Variants in INSL6 observed in about 807,000 individuals in gnomAD.
The protein encoded by INSL6 is insulin like 6, also known as insulin-like peptide INSL6.
A neutral mutation model predicts 9.4 loss-of-function variants in INSL6; 16 were observed. The observed-to-expected ratio is 1.70, with a 90% CI of 1.15 to 2.59. The LOEUF (loss-of-function observed/expected upper bound fraction) is 2.59, where lower values mean the gene tolerates loss of function less well. Among genes scored for constraint, INSL6 ranks in the 30% most tolerant of loss-of-function variants. INSL6 has a pLI of 0.00. For synonymous variants in INSL6, 154 were observed against 96.9 expected (o/e 1.59, Z -3.46); for missense variants, 391 against 257.3 (o/e 1.52, Z -3.56).
chr9:5,131,435 A>ATTTT lies in INSL6; in HGVS notation c.*10+1986_*10+1989dup, dbSNP rs550915336. Among the ~76,000 whole-genome samples the ATTTT allele has an allele frequency of 4.3e-5, 5 of 115,858 alleles. 1 individual carries two copies. The highest frequency in any genetic ancestry group is 2.0e-4 in the African/African-American group (5 of 24,918). 76.0% of individuals were successfully genotyped at this position (115,858 alleles called of 152,430 possible). A position where few individuals can be genotyped will look rare whatever the true frequency, so the allele number is the denominator to read the frequency against. On this transcript the variant is annotated intron_variant, in intron 3 of 3. Transcript: ENST00000649639. Reference sequence around the variant, plus strand: ...AATTCTTTAACACCACCAGTTAACAATTTTTTTTTTTTTTTTTTTGAGACA... The same window carrying ATTTT: ...AATTCTTTAACACCACCAGTTAACAATTTTTTTTTTTTTTTTTTTTTTTGAGACA...
chr9:5,120,440 A>G (rs1328432670), downstream of INSL6, among the ~76,000 whole-genome samples: 1 of 152,206 alleles, frequency 6.6e-6, no homozygotes, highest in African/African-American at 2.4e-5. Flanking sequence ...TAAAAACTCA[A>G]TTTCATTTAA....
At chr9:5,050,433 G>C in the INSL6 span, among the ~76,000 whole-genome samples, 3 of 152,182 alleles carry the variant, frequency 2.0e-5, no homozygotes, top group African/African-American at 7.2e-5. Flanking sequence ...ACCATGCCTG[G>C]ATAATTTTTA....
chr9:5,091,809 G>A, the INSL6 span, among the ~76,000 whole-genome samples: 1 of 152,140 alleles, frequency 6.6e-6, no homozygotes, highest in Admixed American at 6.5e-5. Flanking sequence ...CTAGTATACT[G>A]GAGAAGTTAA....
At chr9:5,154,519 C>T (rs1824778478) in intron 2 of INSL6, among the ~76,000 whole-genome samples, 1 of 152,086 alleles carries the variant, frequency 6.6e-6, no homozygotes, top group African/African-American at 2.4e-5. Flanking sequence ...AAGAAACTAC[C>T]ATCAGAGTGA....
intron 3 of INSL6, among the ~76,000 whole-genome samples, chr9:5,125,723 ATTTCT>A (rs1473750199): frequency 6.6e-6 from 1 of 151,342 alleles, no homozygotes; most frequent in Non-Finnish European, 1.5e-5. Context: ...TTTAATTTCC[ATTTCT>A]TTTCTTAATG....
chr9:5,166,125 T>A (rs1825044688), intron 1 of INSL6, among the ~76,000 whole-genome samples: 1 of 152,166 alleles, frequency 6.6e-6, no homozygotes, highest in Non-Finnish European at 1.5e-5. Context: ...TTCTATGAGG[T>A]TTGTCATGAC....
chr9:5,006,652 G>A, the INSL6 span, among the ~76,000 whole-genome samples: 5 of 152,070 alleles, frequency 3.3e-5, no homozygotes, highest in Non-Finnish European at 7.4e-5. Flanking sequence ...AGCAAAGGAC[G>A]ACATGCTGCA....
the INSL6 span, among the ~76,000 whole-genome samples, chr9:5,087,943 T>C: frequency 1.3e-5 from 2 of 152,240 alleles, no homozygotes; most frequent in Non-Finnish European, 2.9e-5. Flanking sequence ...ATACAATAAT[T>C]AAAAATTATT....
the INSL6 span, chr9:5,111,861 C>T: frequency 5.2e-6 from 2 of 388,092 alleles, no homozygotes; most frequent in South Asian, 1.9e-5. Context: ...ACCTCCTGGG[C>T]TCCCGAGGGA....
At chr9:5,040,719 C>T in the INSL6 span, among the ~76,000 whole-genome samples, 1 of 152,272 alleles carries the variant, frequency 6.6e-6, no homozygotes, top group Non-Finnish European at 1.5e-5. Context: ...AGATGCCCAA[C>T]AGGTGGGCCC....
intron 2 of INSL6, among the ~76,000 whole-genome samples, chr9:5,144,387 C>A (rs1186607162): frequency 6.6e-6 from 1 of 152,054 alleles, no homozygotes; most frequent in East Asian, 1.9e-4. Flanking sequence ...GATTTCAGTT[C>A]TTTTGTATTT....
chr9:5,031,350 A>C, the INSL6 span, among the ~76,000 whole-genome samples: 1 of 152,214 alleles, frequency 6.6e-6, no homozygotes, highest in African/African-American at 2.4e-5. Flanking sequence ...AAGCCACATA[A>C]TTAAATTCAG....
the INSL6 span, chr9:5,096,749 A>G: frequency 1.7e-4 from 26 of 152,324 alleles, no homozygotes; most frequent in East Asian, 3.9e-3. Flanking sequence ...GAGTGGGGAT[A>G]GTGGGTACCT....
At chr9:4,994,843 T>C in the INSL6 span, among the ~76,000 whole-genome samples, 1 of 152,226 alleles carries the variant, frequency 6.6e-6, no homozygotes, top group African/African-American at 2.4e-5. Context: ...TCTGTATTTG[T>C]CTCTTTTTAT....
the INSL6 span, among the ~76,000 whole-genome samples, chr9:5,118,725 G>GTA: frequency 1.3e-5 from 2 of 152,252 alleles, no homozygotes; most frequent in South Asian, 4.1e-4. Context: ...TGTTATAATA[G>GTA]TATCATTCAT....
chr9:5,141,717 G>C (rs978633157), intron 2 of INSL6, among the ~76,000 whole-genome samples: 1 of 152,146 alleles, frequency 6.6e-6, no homozygotes, highest in African/African-American at 2.4e-5. Context: ...AAGCTCTTTA[G>C]TTTAATTAGA....
intron 3 of INSL6, among the ~76,000 whole-genome samples, chr9:5,130,798 G>T (rs968838274): frequency 6.7e-6 from 1 of 149,818 alleles, no homozygotes; most frequent in Non-Finnish European, 1.5e-5. Context: ...GCGCGATCTC[G>T]GCTCACTGCA....
chr9:5,013,521 C>CA, the INSL6 span, among the ~76,000 whole-genome samples: 3 of 152,222 alleles, frequency 2.0e-5, no homozygotes, highest in Non-Finnish European at 4.4e-5. Flanking sequence ...TTGAGAAGCA[C>CA]TGACCTATCT....
chr9:5,122,013 A>G (rs570626210), downstream of INSL6, among the ~76,000 whole-genome samples: 4 of 152,190 alleles, frequency 2.6e-5, no homozygotes, highest in Non-Finnish European at 4.4e-5. Flanking sequence ...CTAAATGTAA[A>G]AAGAATATAG....
Sources: gnomAD v4.1 joint callset for allele counts (sites outside exome capture counted in the v4.1 genomes callset) on GRCh38, gnomAD v4.1.1 for gene constraint, MANE v1.5 for transcripts, NCBI Gene and HGNC (gene_info 2026-07-23, HGNC 2026-07-21) for gene names.